Variants in PPFIA1 observed in about 807,000 individuals in gnomAD.
The protein encoded by PPFIA1 is PPFI scaffold protein A1.
PPFIA1 carries 25 observed loss-of-function variants against 149.9 expected under a neutral mutation model. The observed-to-expected ratio is 0.17, with a 90% CI of 0.12 to 0.23. The LOEUF (loss-of-function observed/expected upper bound fraction) is 0.23, where lower values mean the gene tolerates loss of function less well. Ranked by LOEUF, PPFIA1 falls within the 10% of genes least tolerant of loss-of-function variation. The pLI is 1.00. For synonymous variants in PPFIA1, 549 were observed against 552.8 expected (o/e 0.99, Z 0.10); for missense variants, 1,362 against 1,506.5 (o/e 0.90, Z 1.59).
intron 21 of PPFIA1, among the ~76,000 whole-genome samples, chr11:70,368,087 G>A (rs754346298): frequency 8.0e-4 from 122 of 152,260 alleles, no homozygotes; most frequent in Admixed American, 1.2e-3. Flanking sequence ...ACAGTGAGCC[G>A]AGATCATGCC....
At chr11:70,326,862 T>G in intron 7 of PPFIA1, 44 bp downstream of exon 7, 2 of 1,514,052 alleles carry the variant, frequency 1.3e-6, no homozygotes, top group East Asian at 4.5e-5. Context: ...AAGTTGTATG[T>G]TTGGGACGTT....
chr11:70,364,828 T>C (rs1234566005), intron 21 of PPFIA1: 1 of 152,244 alleles, frequency 6.6e-6, no homozygotes, highest in Non-Finnish European at 1.5e-5. Context: ...CATGTCAAAA[T>C]GCAAGGAAAA....
intron 13 of PPFIA1, 124 bp from the exon 14 acceptor site, chr11:70,339,047 G>A: frequency 1.7e-6 from 2 of 1,157,414 alleles, no homozygotes; most frequent in Non-Finnish European, 1.2e-6. Flanking sequence ...TGAGAGCAGT[G>A]CCCTCCCTGG....
chr11:70,283,930 A>G (rs2050932858), intron 2 of PPFIA1: 1 of 494,552 alleles, frequency 2.0e-6, no homozygotes, highest in Non-Finnish European at 4.2e-6. Flanking sequence ...GGAAGTGTCC[A>G]GGTTTAGGTA....
chr11:70,345,683 C>T (rs1283157911), intron 15 of PPFIA1, among the ~76,000 whole-genome samples: 2 of 152,082 alleles, frequency 1.3e-5, no homozygotes, highest in African/African-American at 4.8e-5. Flanking sequence ...AAAAATGAGC[C>T]AGGTATGGTA....
At chr11:70,367,595 T>A in intron 21 of PPFIA1, 1 of 455,602 alleles carries the variant, frequency 2.2e-6, no homozygotes, top group South Asian at 1.5e-5. Flanking sequence ...TATGTTTTTT[T>A]TCCAGAAGGC....
rs1430385041 is a variant in PPFIA1, at chr11:70,343,747, A to G, written c.1786A>G (p.Ser596Gly). The change falls in exon 15 of 28, where the codon AGT (serine) becomes GGT (glycine). Residue 596 changes from serine (S) to glycine (G), a missense_variant. Coordinates refer to ENST00000253925, the MANE Select transcript of PPFIA1 (RefSeq NM_003626.5). Reference sequence around the variant, plus strand: ...GGCAAATGTAGCACAAGCATTCGAGAGTGATGCTGACGTGTCTGATGGTGA... The same window carrying G: ...GGCAAATGTAGCACAAGCATTCGAGGGTGATGCTGACGTGTCTGATGGTGA... ...VLANVAQAFE[S>G]DADVSDGEDD... The G allele has an allele frequency of 6.2e-7, 1 of 1,614,206 alleles. No homozygotes were observed. Among genetic ancestry groups the G allele is most frequent in the Non-Finnish European group, 8.5e-7 (1 of 1,180,040 alleles).
At chr11:70,310,119 A>G (rs1423102256) in intron 2 of PPFIA1, among the ~76,000 whole-genome samples, 1 of 152,242 alleles carries the variant, frequency 6.6e-6, no homozygotes, top group Non-Finnish European at 1.5e-5. Context: ...AACTCCCTTC[A>G]GAGTCAAAAC....
chr11:70,379,938 A>G lies in PPFIA1; in HGVS notation c.3550+1743A>G, dbSNP rs867635426. On this transcript the variant is annotated intron_variant, in intron 26 of 27. Coordinates refer to ENST00000253925, the MANE Select transcript of PPFIA1 (RefSeq NM_003626.5). ...CATTTTTCTTCCAAGAGTCATGCATATAATTCTTAGAAAGCAGAACTGTGA... is the reference window on the plus strand; with the variant it reads ...CATTTTTCTTCCAAGAGTCATGCATGTAATTCTTAGAAAGCAGAACTGTGA... Among the ~76,000 whole-genome samples the G allele has an allele frequency of 2.0e-5, 3 of 152,346 alleles. No individual in the cohort carries two copies. The Middle Eastern group carries it at 0.01, about 518-fold the overall frequency.
chr11:70,310,740 A>G (rs2053211537), intron 2 of PPFIA1, among the ~76,000 whole-genome samples: 2 of 152,130 alleles, frequency 1.3e-5, no homozygotes, highest in African/African-American at 4.8e-5. Context: ...CTTCCAAATG[A>G]AAACCCCACT....
In PPFIA1 at chr11:70,340,580, C is replaced by T. The variant is rs1248464627; in HGVS notation, c.1707+1274C>T. ...ACGCAAGTATAATTTTAGCCCCCAT[C>T]GTCACTCAACAGCTAGTTTGGGCCA... On this transcript the variant is annotated intron_variant, in intron 14 of 27. Transcript: ENST00000253925. 3.3e-5 allele frequency among the ~76,000 whole-genome samples: 5 copies of T among 152,192 alleles called. No homozygotes were observed. The South Asian group carries it at 6.2e-4, about 19-fold the overall frequency.
At chr11:70,333,413 A>G (rs1489510918) in intron 9 of PPFIA1, 57 bp from the exon 10 acceptor site, 2 of 1,377,684 alleles carry the variant, frequency 1.5e-6, no homozygotes, top group Non-Finnish European at 2.0e-6. Flanking sequence ...AGTGGTATGC[A>G]GCATGTCGTT....
At chr11:70,294,035 C>T (rs1047253565) in intron 2 of PPFIA1, among the ~76,000 whole-genome samples, 4 of 149,550 alleles carry the variant, frequency 2.7e-5, no homozygotes, top group Admixed American at 1.3e-4. Context: ...TTCCTGGGCT[C>T]GAGCAATCCT....
chr11:70,307,767 T>G (rs1048073251), intron 2 of PPFIA1, among the ~76,000 whole-genome samples: 60 of 152,174 alleles, frequency 3.9e-4, no homozygotes, highest in African/African-American at 1.4e-3. Context: ...AAAAAAAATT[T>G]TTTTTTAAAT....
intron 2 of PPFIA1, among the ~76,000 whole-genome samples, chr11:70,309,707 G>A (rs1439765047): frequency 6.6e-6 from 1 of 152,002 alleles, no homozygotes; most frequent in Non-Finnish European, 1.5e-5. Flanking sequence ...CAACATGTCC[G>A]ACCCTTGAAA....
Position 70,333,739 on chromosome 11 carries a change from A to G in PPFIA1, c.1296+186A>G, listed in dbSNP as rs77106182. 1.8e-3 allele frequency among the ~76,000 whole-genome samples: 269 copies of G among 152,274 alleles called. 2 individuals are homozygous for G. The highest frequency in any genetic ancestry group is 6.2e-3 in the African/African-American group (259 of 41,554). ...TGCTAATGCGTACATCCCACACAGT[A>G]GTTGTTTTCAGTCAGTATTGGGAGC... On this transcript the variant is annotated intron_variant, in intron 10 of 27. Coordinates refer to ENST00000253925, the MANE Select transcript of PPFIA1 (RefSeq NM_003626.5).
Position 70,377,835 on chromosome 11 carries a change from G to A in PPFIA1, c.3385-195G>A, listed in dbSNP as rs139613384. On this transcript the variant is annotated intron_variant, in intron 25 of 27. Transcript: ENST00000253925. ...TCATTTCGCCAGCTGAGGCCCAGCC[G>A]GACCATCACCATGCCCCGTTTCACG... Among the ~76,000 whole-genome samples, 1,133 of 152,234 alleles carry A rather than the reference G, an allele frequency of 7.4e-3. 15 individuals carry two copies. The highest frequency in any genetic ancestry group is 7.8e-3 in the Non-Finnish European group (533 of 68,014).
Position 70,343,848 on chromosome 11 carries a change from C to G in PPFIA1, c.1887C>G (p.Ala629=), listed in dbSNP as rs762795108. ...PSGQADAHTL[A]MMLQEQLDAI... is the part of the protein sequence containing the mutation. ...GGCAGGCCGACGCGCACACACTAGCCATGATGCTTCAGGAGCAGCTGGACG... is the reference window on the plus strand; with the variant it reads ...GGCAGGCCGACGCGCACACACTAGCGATGATGCTTCAGGAGCAGCTGGACG... Residue 629 remains alanine, a synonymous_variant, in exon 15 of 28, where the codon GCC becomes GCG. Transcript: ENST00000253925. 1.2e-6 allele frequency: 2 copies of G among 1,614,108 alleles called. No individual in the cohort carries two copies.
At chr11:70,285,634 C>T (rs1172351128) in intron 2 of PPFIA1, among the ~76,000 whole-genome samples, 4 of 149,814 alleles carry the variant, frequency 2.7e-5, no homozygotes, top group Admixed American at 2.0e-4. Context: ...GAGCTGTGAT[C>T]GCACCACTGC....
Sources: allele counts gnomAD v4.1 joint callset (sites outside exome capture counted in the v4.1 genomes callset), GRCh38; gene constraint gnomAD v4.1.1; transcripts MANE v1.5; gene names NCBI Gene and HGNC (gene_info 2026-07-23, HGNC 2026-07-21).